NRXN1: variants seen among roughly 807,000 people sequenced by gnomAD.
NRXN1 encodes neurexin 1, also known as neurexin-1.
Under a neutral mutation model 150.9 loss-of-function variants are expected in NRXN1, and 39 were observed. The ratio of observed to expected loss-of-function variants is 0.26; its 90% CI spans 0.20 to 0.34. The LOEUF is 0.34. NRXN1 is among the 10% of genes least tolerant of loss of function. The probability of loss-of-function intolerance (pLI) is 1.00; values close to 1 mark genes in which losing one functional copy is unlikely to be tolerated. For missense variants in NRXN1, 1,815 were observed against 1,949.9 expected, an observed-to-expected ratio of 0.93 and a Z score of 1.30; for synonymous variants, 924 against 757.0, an observed-to-expected ratio of 1.22 and a Z score of -3.62.
At chr2:50,022,175 G>T (rs1687670357) in intron 21 of NRXN1, among the ~76,000 whole-genome samples, 1 of 151,996 alleles carries the variant, frequency 6.6e-6, no homozygotes, top group Non-Finnish European at 1.5e-5. Context: ...GTAGAGACGA[G>T]ATTTCACCGT....
At chr2:50,868,027 C>A (rs1206735902) in intron 5 of NRXN1, among the ~76,000 whole-genome samples, 1 of 150,704 alleles carries the variant, frequency 6.6e-6, no homozygotes, top group African/African-American at 2.4e-5. Flanking sequence ...AATAAGGTAA[C>A]TTAATTGCAT....
chr2:50,699,327 T>C (rs1183582156), intron 5 of NRXN1, among the ~76,000 whole-genome samples: 1 of 152,164 alleles, frequency 6.6e-6, no homozygotes, highest in Non-Finnish European at 1.5e-5. Flanking sequence ...AATCCTAATT[T>C]CCAGATCCTG....
At position 50,035,701 on chromosome 2, in the gene NRXN1, A is replaced by G. The variant is rs538843138; in HGVS notation, c.4128+17570T>C. On this transcript the variant is annotated intron_variant, in intron 21 of 22. Coordinates refer to ENST00000401669, the MANE Select transcript of NRXN1 (RefSeq NM_001330078.2). ...AGGAGCATGTGTGTTAATGCATAAC[A>G]GACCCACAGACACAGTGGGTATCAC... is the stretch of plus-strand genomic sequence containing the variant. Among the ~76,000 whole-genome samples, 6 of 152,302 alleles carry G rather than the reference A, an allele frequency of 3.9e-5. No homozygotes were observed. In the South Asian group the frequency reaches 1.2e-3, roughly 32 times the overall value.
chr2:50,242,990 C>A (rs566498659), intron 17 of NRXN1, among the ~76,000 whole-genome samples: 2 of 151,714 alleles, frequency 1.3e-5, no homozygotes, highest in African/African-American at 4.8e-5. Context: ...AGATAATTCC[C>A]AAATAATGAA....
At chr2:50,001,487 T>G (rs1683918168) in intron 21 of NRXN1, among the ~76,000 whole-genome samples, 1 of 152,042 alleles carries the variant, frequency 6.6e-6, no homozygotes, top group Non-Finnish European at 1.5e-5. Flanking sequence ...ATTATCACAG[T>G]GAGCCACAGA....
chr2:51,010,104 T>A (rs904050755), intron 2 of NRXN1, among the ~76,000 whole-genome samples: 3 of 151,952 alleles, frequency 2.0e-5, no homozygotes, highest in African/African-American at 7.2e-5. Context: ...CCCTGGAAAG[T>A]CATATAATGG....
At chr2:50,926,984 G>A (rs920703907) in intron 2 of NRXN1, among the ~76,000 whole-genome samples, 1 of 151,876 alleles carries the variant, frequency 6.6e-6, no homozygotes, top group African/African-American at 2.4e-5. Flanking sequence ...GAAATGGAAG[G>A]GAAAGCTGTC....
intron 18 of NRXN1, among the ~76,000 whole-genome samples, chr2:50,094,962 A>T (rs1700035867): frequency 6.6e-6 from 1 of 152,168 alleles, no homozygotes; most frequent in African/African-American, 2.4e-5. Context: ...GTATAGGCTA[A>T]GCTCAACTAG....
chr2:50,794,337 T>C (rs1251076568), intron 5 of NRXN1, among the ~76,000 whole-genome samples: 1 of 152,090 alleles, frequency 6.6e-6, no homozygotes, highest in Non-Finnish European at 1.5e-5. Flanking sequence ...AATTTAACAG[T>C]GAGGACATGT....
chr2:50,190,988 A>G lies in NRXN1; in HGVS notation c.3546+45801T>C, dbSNP rs188365370. On this transcript the variant is annotated intron_variant, in intron 18 of 22. Transcript: ENST00000401669. ...CTTTTATTTTGAAATACAGAATCAC[A>G]GAAAGTTGTGAAAATGTACCAGAAA... Among the ~76,000 whole-genome samples, 12 of 152,212 alleles carry G rather than the reference A, an allele frequency of 7.9e-5. No individual in the cohort carries two copies. In the East Asian group the frequency reaches 2.3e-3, roughly 29 times the overall value.
intron 15 of NRXN1, among the ~76,000 whole-genome samples, chr2:50,482,823 C>T (rs901870530): frequency 6.6e-5 from 10 of 151,984 alleles, no homozygotes; most frequent in African/African-American, 2.2e-4. Flanking sequence ...CCAACAGGCG[C>T]GGTGGCTCAG....
At chr2:50,583,160 C>T (rs1043066907) in intron 8 of NRXN1, among the ~76,000 whole-genome samples, 1 of 152,066 alleles carries the variant, frequency 6.6e-6, no homozygotes, top group South Asian at 2.1e-4. Context: ...AAGCAAGCCT[C>T]CCATTTCAGC....
intron 17 of NRXN1, among the ~76,000 whole-genome samples, chr2:50,275,040 T>C (rs1036254997): frequency 1.3e-5 from 2 of 152,148 alleles, no homozygotes; most frequent in Non-Finnish European, 2.9e-5. Flanking sequence ...AAACTAAGCA[T>C]CATAAAAACA....
intron 8 of NRXN1, among the ~76,000 whole-genome samples, chr2:50,570,080 T>A (rs753282318): frequency 1.3e-5 from 2 of 152,124 alleles, no homozygotes; most frequent in African/African-American, 2.4e-5. Flanking sequence ...AAATAAAAAA[T>A]AAAATCTCTA....
chr2:50,423,438 T>C (rs552776517), intron 17 of NRXN1, among the ~76,000 whole-genome samples: 1 of 152,196 alleles, frequency 6.6e-6, no homozygotes, highest in Non-Finnish European at 1.5e-5. Flanking sequence ...TGGCTTTGTG[T>C]CCTCAATGGG....
chr2:50,635,853 T>C (rs1683165290), intron 5 of NRXN1, among the ~76,000 whole-genome samples: 1 of 152,156 alleles, frequency 6.6e-6, no homozygotes, highest in African/African-American at 2.4e-5. Context: ...CTGGCCAGTT[T>C]AGGGAGGTTC....
At chr2:50,971,411 C>T (rs964926618) in intron 2 of NRXN1, among the ~76,000 whole-genome samples, 2 of 151,724 alleles carry the variant, frequency 1.3e-5, no homozygotes, top group Admixed American at 6.6e-5. Context: ...GGTGAAACCC[C>T]GTCTCTACTA....
rs7578235 is a variant in NRXN1 at position 50,483,724 on chromosome 2, T to A, written c.3071-11253A>T. On this transcript the variant is annotated intron_variant, in intron 15 of 22. Coordinates refer to ENST00000401669, the MANE Select transcript of NRXN1 (RefSeq NM_001330078.2). ...TTTGACTCCCAGGCTAATTCTTTTC[T>A]GATGCACCACACTCTCTCCTATTTT... Among the ~76,000 whole-genome samples, 2 of 152,192 alleles carry A rather than the reference T, an allele frequency of 1.3e-5. 1 individual carries two copies. The highest frequency in any genetic ancestry group is 4.1e-4 in the South Asian group (2 of 4,824).
intron 19 of NRXN1, among the ~76,000 whole-genome samples, chr2:50,089,171 T>C (rs1199806398): frequency 6.6e-6 from 1 of 152,186 alleles, no homozygotes; most frequent in Non-Finnish European, 1.5e-5. Context: ...AAGATACCAG[T>C]TTGGAAATTG....
Sources: gnomAD v4.1 joint callset for allele counts (sites outside exome capture counted in the v4.1 genomes callset) on GRCh38, gnomAD v4.1.1 for gene constraint, MANE v1.5 for transcripts, NCBI Gene and HGNC (gene_info 2026-07-23, HGNC 2026-07-21) for gene names.